Variants in FBXO33 observed in about 807,000 individuals in gnomAD.
FBXO33 encodes the protein F-box protein 33.
FBXO33 carries 22 observed loss-of-function variants against 46.3 expected under a neutral mutation model. That is an observed-to-expected ratio of 0.48 (90% CI 0.34 to 0.68). The LOEUF is 0.68. FBXO33 is among the 30% of genes least tolerant of loss of function. FBXO33 has a pLI of 0.01. For synonymous variants in FBXO33, 337 were observed against 291.3 expected (o/e 1.16, Z -1.60); for missense variants, 692 against 708.8 (o/e 0.98, Z 0.27).
chr14:39,400,230 T>C (rs530745527), intron 3 of FBXO33, among the ~76,000 whole-genome samples: 193 of 152,358 alleles, frequency 1.3e-3, no homozygotes, highest in South Asian at 0.012. Flanking sequence ...TGCGAAGTTA[T>C]GTAGTGACAC....
intron 1 of FBXO33, among the ~76,000 whole-genome samples, chr14:39,404,327 C>CT (rs980359411): frequency 4.6e-5 from 7 of 151,176 alleles, no homozygotes; most frequent in South Asian, 2.1e-4. Context: ...TTAAATGGAT[C>CT]TTTTTTTTTG....
At chr14:39,421,826 G>A (rs922022223) in intron 1 of FBXO33, among the ~76,000 whole-genome samples, 2 of 146,146 alleles carry the variant, frequency 1.4e-5, no homozygotes, top group African/African-American at 2.5e-5. Context: ...ACAAACACAC[G>A]CACGAGTAAG....
At chr14:39,430,444 C>CA (rs2075537722) in intron 1 of FBXO33, among the ~76,000 whole-genome samples, 1 of 152,064 alleles carries the variant, frequency 6.6e-6, no homozygotes, top group Non-Finnish European at 1.5e-5. Context: ...CAACCTTGTT[C>CA]AACATAATGT....
At chr14:39,406,638 A>G (rs778555447) in intron 1 of FBXO33, among the ~76,000 whole-genome samples, 4 of 152,148 alleles carry the variant, frequency 2.6e-5, no homozygotes, top group Non-Finnish European at 4.4e-5. Context: ...GCAGTCTAGA[A>G]TTTTAGGGCA....
In FBXO33 at chr14:39,432,291, C is replaced by T; in HGVS notation, c.-129G>A. 1 of 771,436 alleles carries T rather than the reference C, an allele frequency of 1.3e-6. No individual in the cohort carries two copies. Among genetic ancestry groups the T allele is most frequent in the Non-Finnish European group, 1.7e-6 (1 of 585,370 alleles). The allele number at this position is 771,436 out of a possible 1,614,324, so 47.8% of individuals were successfully genotyped here. A position where few individuals can be genotyped will look rare whatever the true frequency, so the allele number is the denominator to read the frequency against. On this transcript the variant is annotated 5_prime_UTR_variant, in exon 1 of 4. Coordinates refer to ENST00000298097, the MANE Select transcript of FBXO33 (RefSeq NM_203301.4). ...GGGAGCCAGCCTCTGTCTTCTCAAA[C>T]TCTACTCACGTGCGTCCGAGGCCGG...
chr14:39,431,632 A>G lies in FBXO33; in HGVS notation c.531T>C (p.Arg177=), dbSNP rs45453296. ...EEVEALQLSA[R]WLEVLRTYLE... ...AGTAGGTGCGCAGCACTTCCAGCCA[A>G]CGAGCTGAGAGCTGCAGGGCCTCGA... Residue 177 remains arginine (R), a synonymous_variant, in exon 1 of 4, where the codon CGT becomes CGC. Transcript: ENST00000298097. 29,932 of 1,613,622 alleles carry G rather than the reference A, an allele frequency of 0.019. 340 individuals are homozygous for G. The highest frequency in any genetic ancestry group is 0.036 in the Middle Eastern group (221 of 6,062).
intron 1 of FBXO33, among the ~76,000 whole-genome samples, chr14:39,422,016 G>A (rs1190777718): frequency 6.6e-6 from 1 of 152,194 alleles, no homozygotes; most frequent in African/African-American, 2.4e-5. Flanking sequence ...CTAGCCCTTT[G>A]TGAGGCTGAG....
chr14:39,419,923 A>C (rs908020649), intron 1 of FBXO33, among the ~76,000 whole-genome samples: 1 of 152,248 alleles, frequency 6.6e-6, no homozygotes, highest in African/African-American at 2.4e-5. Context: ...CAAAGTCATA[A>C]ACAGTGCTTG....
At position 39,401,648 on chromosome 14, in the gene FBXO33, C is replaced by T; in HGVS notation, c.924G>A (p.Leu308=). The change falls in exon 3 of 4, where the codon CTG becomes CTA. Residue 308 remains leucine (L), a synonymous_variant. Transcript: ENST00000298097. ...TAVELERFVN[L]HSLALDFCDF... is the part of the protein sequence containing the mutation. ...CACAAAAATCCAAGGCAAGTGAGTG[C>T]AGATTCACAAATCGCTCCAGTTCAA... The T allele has an allele frequency of 6.2e-7, 1 of 1,614,184 alleles. No individual in the cohort carries two copies. Among genetic ancestry groups the T allele is most frequent in the Non-Finnish European group, 8.5e-7 (1 of 1,180,034 alleles).
At chr14:39,403,744 T>G (rs1326422779) in intron 1 of FBXO33, among the ~76,000 whole-genome samples, 1 of 151,592 alleles carries the variant, frequency 6.6e-6, no homozygotes, top group Non-Finnish European at 1.5e-5. Flanking sequence ...TAATTTCAAT[T>G]AAAAAATGTA....
intron 1 of FBXO33, among the ~76,000 whole-genome samples, chr14:39,411,583 C>T: frequency 6.7e-6 from 1 of 150,004 alleles, no homozygotes; most frequent in South Asian, 2.2e-4. Flanking sequence ...AGCGCAGTGG[C>T]CAGATCTTGG....
At chr14:39,415,395 G>C (rs549203001) in intron 1 of FBXO33, among the ~76,000 whole-genome samples, 1 of 152,314 alleles carries the variant, frequency 6.6e-6, no homozygotes, top group African/African-American at 2.4e-5. Flanking sequence ...ATAGTTGCTT[G>C]ATGCAGGGTT....
In FBXO33 at chr14:39,401,585, G is replaced by T; in HGVS notation, c.987C>A (p.Ser329Arg). Residue 329 changes from serine (S) to arginine (R), a missense_variant, in exon 3 of 4, where the codon AGC becomes AGA. Coordinates refer to ENST00000298097, the MANE Select transcript of FBXO33 (RefSeq NM_203301.4). ...TAEMARVLTDSNHVPLQRLSL... is the reference protein window; with the variant it reads ...TAEMARVLTDRNHVPLQRLSL... ...ACAGTCGTTGCAAAGGCACATGGTT[G>T]CTATCAGTTAAGACTCTTGCCATCT... The T allele has an allele frequency of 6.2e-7, 1 of 1,614,182 alleles. No individual in the cohort carries two copies. Among genetic ancestry groups the T allele is most frequent in the Non-Finnish European group, 8.5e-7 (1 of 1,180,030 alleles).
intron 1 of FBXO33, among the ~76,000 whole-genome samples, chr14:39,425,176 C>A (rs974995397): frequency 5.9e-5 from 9 of 152,194 alleles, no homozygotes; most frequent in African/African-American, 1.9e-4. Flanking sequence ...TTCTCAGACT[C>A]CTGTTAGGAC....
At chr14:39,429,194 T>A (rs574234363) in intron 1 of FBXO33, among the ~76,000 whole-genome samples, 2 of 152,188 alleles carry the variant, frequency 1.3e-5, no homozygotes, top group African/African-American at 4.8e-5. Flanking sequence ...GACATGAAAA[T>A]AACTGGAACA....
At chr14:39,425,672 G>A (rs17109219) in intron 1 of FBXO33, among the ~76,000 whole-genome samples, 13,033 of 152,030 alleles carry the variant, frequency 0.086, 1,831 homozygotes, top group African/African-American at 0.3. Flanking sequence ...GCTAATGAAC[G>A]GTCATAGCCA....
chr14:39,429,841 G>T (rs1053068255), intron 1 of FBXO33, among the ~76,000 whole-genome samples: 1 of 152,192 alleles, frequency 6.6e-6, no homozygotes, highest in Non-Finnish European at 1.5e-5. Flanking sequence ...AATTGTAGGG[G>T]TAAGGAAGAG....
chr14:39,399,425 G>A lies in FBXO33; in HGVS notation c.*91C>T. The A allele has an allele frequency of 1.8e-6, 2 of 1,130,390 alleles. No homozygotes were observed. The highest frequency in any genetic ancestry group is 2.5e-6 in the Non-Finnish European group (2 of 801,346). The allele number at this position is 1,130,390 out of a possible 1,614,324, so 70.0% of individuals were successfully genotyped here. On this transcript the variant is annotated 3_prime_UTR_variant, in exon 4 of 4. Transcript: ENST00000298097. ...ATAAAGCTAATACTGATTAAACACAGCACAAAAGGATTAATTCACACTACT... is the reference window on the plus strand; with the variant it reads ...ATAAAGCTAATACTGATTAAACACAACACAAAAGGATTAATTCACACTACT...
At chr14:39,413,802 G>A (rs993765000) in intron 1 of FBXO33, among the ~76,000 whole-genome samples, 1 of 152,180 alleles carries the variant, frequency 6.6e-6, no homozygotes, top group South Asian at 2.1e-4. Context: ...CTTTTTGTAA[G>A]CAGTAGCTCT....
Sources: allele counts gnomAD v4.1 joint callset (sites outside exome capture counted in the v4.1 genomes callset), GRCh38; gene constraint gnomAD v4.1.1; transcripts MANE v1.5; gene names NCBI Gene and HGNC (gene_info 2026-07-23, HGNC 2026-07-21).